Variants in ZNF727 observed in about 807,000 individuals in gnomAD.
ZNF727 encodes the protein putative zinc finger protein 727.
Under a neutral mutation model 11.5 loss-of-function variants are expected in ZNF727, and 11 were observed. The observed-to-expected ratio is 0.95, with a 90% CI of 0.60 to 1.58. ZNF727 has a LOEUF of 1.58. ZNF727 is among the 40% of genes most tolerant of loss of function. The probability of loss-of-function intolerance (pLI) is 0.00; values close to 1 mark genes in which losing one functional copy is unlikely to be tolerated. For missense variants in ZNF727, 533 were observed against 581.7 expected (o/e 0.92, Z 0.86); for synonymous variants, 171 against 196.1 (o/e 0.87, Z 1.07).
intron 1 of ZNF727, among the ~76,000 whole-genome samples, chr7:64,050,834 A>G (rs1297881985): frequency 6.6e-6 from 1 of 151,048 alleles, no homozygotes; most frequent in Non-Finnish European, 1.5e-5. Flanking sequence ...ATATAGCCTG[A>G]TTGTCAATTT....
In ZNF727 at chr7:64,078,242, G is replaced by A; in HGVS notation, c.1193G>A (p.Cys398Tyr). The change falls in exon 4 of 4, where the codon TGT becomes TAT. Residue 398 changes from cysteine (C) to tyrosine (Y), a missense_variant. Around this residue, in one of 3 missense-constraint regions of ZNF727, gnomAD observed 463 missense variants for 494.5 expected, o/e 0.94. Coordinates refer to ENST00000456806, the MANE Select transcript of ZNF727 (RefSeq NM_001159522.3). ...CACACTGGAGAGAAACCCTACAAATGTGAAGAATGTGGCAAAAGCTTTACC... is the reference window on the plus strand; with the variant it reads ...CACACTGGAGAGAAACCCTACAAATATGAAGAATGTGGCAAAAGCTTTACC... ...RIHTGEKPYK[C>Y]EECGKSFTCS... 1 of 1,606,102 alleles carries A rather than the reference G, an allele frequency of 6.2e-7. No individual in the cohort carries two copies. Among genetic ancestry groups the A allele is most frequent in the Non-Finnish European group, 8.5e-7 (1 of 1,176,012 alleles).
At chr7:64,073,441 C>T (rs562778820) in intron 3 of ZNF727, among the ~76,000 whole-genome samples, 61 of 146,640 alleles carry the variant, frequency 4.2e-4, no homozygotes, top group African/African-American at 1.5e-3. Flanking sequence ...ACGATTTCTA[C>T]TGGGTTCTTT....
chr7:64,071,517 T>G (rs1485081952), intron 3 of ZNF727, among the ~76,000 whole-genome samples: 1 of 152,034 alleles, frequency 6.6e-6, no homozygotes, highest in African/African-American at 2.4e-5. Context: ...ATGTTTCTTA[T>G]GTGTTTTTGA....
chr7:64,067,861 A>G (rs1271133283), intron 1 of ZNF727, among the ~76,000 whole-genome samples: 1 of 151,754 alleles, frequency 6.6e-6, no homozygotes, highest in Non-Finnish European at 1.5e-5. Context: ...CTATGTAACA[A>G]ACCCACGTGT....
chr7:64,063,405 T>C (rs1401423333), intron 1 of ZNF727, among the ~76,000 whole-genome samples: 1 of 152,166 alleles, frequency 6.6e-6, no homozygotes, highest in Non-Finnish European at 1.5e-5. Flanking sequence ...TGGTCATAGG[T>C]AAGATCCAAG....
rs532822328 is a variant in ZNF727, at chr7:64,082,740, G to A, written c.*4191G>A. Among the ~76,000 whole-genome samples, 2 of 152,322 alleles carry A rather than the reference G, an allele frequency of 1.3e-5. No individual in the cohort carries two copies. Among genetic ancestry groups the A allele is most frequent in the South Asian group, 2.1e-4 (1 of 4,820 alleles). On this transcript the variant is annotated 3_prime_UTR_variant, in exon 4 of 4. Transcript: ENST00000456806. ...AAATACAAAAAAAGAAAATTAGCCA[G>A]GTGTGGCGGCATGCACCAGTAGTCT...
In ZNF727 at chr7:64,085,301, T is replaced by G. The variant is rs1369736876; in HGVS notation, c.*6752T>G. Among the ~76,000 whole-genome samples the G allele has an allele frequency of 6.6e-6, 1 of 152,210 alleles. No individual in the cohort carries two copies. Among genetic ancestry groups the G allele is most frequent in the Non-Finnish European group, 1.5e-5 (1 of 68,034 alleles). Reference sequence around the variant, plus strand: ...TATTGATCATTTTACTTTGTAAAATTGATATAATTGATTTTATTAAATTTA... The same window carrying G: ...TATTGATCATTTTACTTTGTAAAATGGATATAATTGATTTTATTAAATTTA... On this transcript the variant is annotated 3_prime_UTR_variant, in exon 4 of 4. Transcript: ENST00000456806.
intron 1 of ZNF727, among the ~76,000 whole-genome samples, chr7:64,064,256 G>C (rs1343423634): frequency 2.0e-5 from 3 of 152,140 alleles, no homozygotes; most frequent in Non-Finnish European, 2.9e-5. Context: ...ACCCCCAAGG[G>C]CTGCAAGAAG....
At chr7:64,076,498 C>T (rs573172154) in intron 3 of ZNF727, among the ~76,000 whole-genome samples, 8 of 151,980 alleles carry the variant, frequency 5.3e-5, no homozygotes, top group African/African-American at 1.2e-4. Flanking sequence ...TTAGCTACTC[C>T]GGAGGCTGAG....
rs1159111848 is a variant in ZNF727 at position 64,081,329 on chromosome 7, C to T, written c.*2780C>T. Among the ~76,000 whole-genome samples the T allele has an allele frequency of 6.6e-6, 1 of 152,044 alleles. No homozygotes were observed. The highest frequency in any genetic ancestry group is 1.5e-5 in the Non-Finnish European group (1 of 68,014). On this transcript the variant is annotated 3_prime_UTR_variant, in exon 4 of 4. Coordinates refer to ENST00000456806, the MANE Select transcript of ZNF727 (RefSeq NM_001159522.3). ...ATACCCTGTTCTCCGCACAGTTTTA[C>T]CACAAAGGCCAGGGTGGGGCTTTCT...
At chr7:64,065,020 G>C (rs1789840515) in intron 1 of ZNF727, among the ~76,000 whole-genome samples, 1 of 152,118 alleles carries the variant, frequency 6.6e-6, no homozygotes. Context: ...TCGCTCCCCA[G>C]AGTTTTGGTT....
chr7:64,054,512 C>T (rs1562790881), intron 1 of ZNF727, among the ~76,000 whole-genome samples: 1 of 152,132 alleles, frequency 6.6e-6, no homozygotes, highest in African/African-American at 2.4e-5. Flanking sequence ...AACATAGCTG[C>T]TCTGTCTGTT....
At chr7:64,063,356 C>T (rs1789806626) in intron 1 of ZNF727, among the ~76,000 whole-genome samples, 2 of 152,200 alleles carry the variant, frequency 1.3e-5, no homozygotes, top group African/African-American at 4.8e-5. Flanking sequence ...ACCTGAATAA[C>T]ACTGTGATGC....
chr7:64,045,532 C>T lies in ZNF727; in HGVS notation c.-90C>T. The stretch of plus-strand genomic sequence containing the variant: ...CATCTCTTCCGCTCCATTAGCTCCT[C>T]GGTGACTCCACCATAGCCCCTGTTA... On this transcript the variant is annotated 5_prime_UTR_variant, in exon 1 of 4. Coordinates refer to ENST00000456806, the MANE Select transcript of ZNF727 (RefSeq NM_001159522.3). The T allele has an allele frequency of 1.3e-6, 2 of 1,515,902 alleles. No homozygotes were observed. The highest frequency in any genetic ancestry group is 1.8e-6 in the Non-Finnish European group (2 of 1,114,364). 93.9% of individuals were successfully genotyped at this position (1,515,902 alleles called of 1,614,324 possible).
At chr7:64,057,201 C>T (rs1449367621) in intron 1 of ZNF727, among the ~76,000 whole-genome samples, 2 of 152,032 alleles carry the variant, frequency 1.3e-5, no homozygotes, top group Non-Finnish European at 2.9e-5. Context: ...TCAGTGCTCT[C>T]TAAGTATGTT....
In ZNF727 at chr7:64,081,758, A is replaced by G. The variant is rs532296283; in HGVS notation, c.*3209A>G. On this transcript the variant is annotated 3_prime_UTR_variant, in exon 4 of 4. Coordinates refer to ENST00000456806, the MANE Select transcript of ZNF727 (RefSeq NM_001159522.3). ...AGACCATCCTGCAGAAATTAGGTCCAACAGTTCCCCTAGGGCTAAAGTCTC... is the reference window on the plus strand; with the variant it reads ...AGACCATCCTGCAGAAATTAGGTCCGACAGTTCCCCTAGGGCTAAAGTCTC... Among the ~76,000 whole-genome samples, 2 of 152,320 alleles carry G rather than the reference A, an allele frequency of 1.3e-5. No individual in the cohort carries two copies. The highest frequency in any genetic ancestry group is 4.8e-5 in the African/African-American group (2 of 41,584).
chr7:64,051,506 C>T (rs1333417352), intron 1 of ZNF727, among the ~76,000 whole-genome samples: 1 of 152,032 alleles, frequency 6.6e-6, no homozygotes, highest in East Asian at 1.9e-4. Flanking sequence ...CAAATGTGTA[C>T]TCCAAAAGAT....
intron 1 of ZNF727, among the ~76,000 whole-genome samples, chr7:64,053,646 T>G (rs998659389): frequency 2.0e-5 from 3 of 152,060 alleles, no homozygotes; most frequent in African/African-American, 7.2e-5. Context: ...AAAAGAGAAG[T>G]TCCCCTCCAC....
chr7:64,049,954 C>T (rs1172580750), intron 1 of ZNF727, among the ~76,000 whole-genome samples: 1 of 151,542 alleles, frequency 6.6e-6, no homozygotes, highest in Non-Finnish European at 1.5e-5. Context: ...TTTGTAAAAT[C>T]TCATGAAACA....
Sources: gnomAD v4.1 joint callset for allele counts (sites outside exome capture counted in the v4.1 genomes callset) on GRCh38, gnomAD v4.1.1 for gene constraint, gnomAD v4.1.1 regional missense constraint, MANE v1.5 for transcripts, NCBI Gene and HGNC (gene_info 2026-07-23, HGNC 2026-07-21) for gene names.